MAPK15: variants seen among roughly 807,000 people sequenced by gnomAD.
MAPK15 encodes ERK-7.
In MAPK15, 61 loss-of-function variants were observed where a neutral mutation model predicts 60.8. The ratio of observed to expected loss-of-function variants is 1.00; its 90% CI spans 0.82 to 1.24. The LOEUF (loss-of-function observed/expected upper bound fraction) is 1.24. Ranked by LOEUF, MAPK15 falls within the 50% of genes most tolerant of loss-of-function variation. The pLI is 0.00. For missense variants in MAPK15, 808 were observed against 741.1 expected (o/e 1.09, Z -1.05); for synonymous variants, 356 against 319.9 (o/e 1.11, Z -1.21).
In MAPK15 at chr8:143,721,238, T is replaced by A. The variant is rs782644613; in HGVS notation, c.1031T>A (p.Leu344Gln). The change falls in exon 11 of 14, where the codon CTG becomes CAG. Residue 344 changes from leucine (L) to glutamine (Q), a missense_variant. By Grantham distance (113) the Leu-to-Gln change is moderately radical (BLOSUM62 -2). Coordinates refer to ENST00000338033, the MANE Select transcript of MAPK15 (RefSeq NM_139021.3). The stretch of plus-strand genomic sequence containing the variant: ...ACCCTTCCCCTCCCGCAGATGATCC[T>A]GGAGTGTGGAGGCAGCAGCGGCACC... Reference protein sequence around the residue: ...EYRSRVYQMILECGGSSGTSR... With the variant: ...EYRSRVYQMIQECGGSSGTSR... 3 of 1,610,400 alleles carry A rather than the reference T, an allele frequency of 1.9e-6. No individual in the cohort carries two copies. The highest frequency in any genetic ancestry group is 2.5e-6 in the Non-Finnish European group (3 of 1,178,408).
In MAPK15 at chr8:143,721,524, C is replaced by T. The variant is rs372962781; in HGVS notation, c.1205-25C>T. 402 of 1,613,332 alleles carry T rather than the reference C, an allele frequency of 2.5e-4. 1 individual carries two copies. The highest frequency in any genetic ancestry group is 1.9e-3 in the African/African-American group (139 of 75,008). On this transcript the variant is annotated intron_variant, in intron 11 of 13. Transcript: ENST00000338033. ...GACCCTGGGGTTGACCCACTGACCC[C>T]GGGGTTGACCCACTGACCCCACAGA... is the stretch of plus-strand genomic sequence containing the variant.
chr8:143,719,561 G>T (rs531024908), intron 7 of MAPK15, 79 bp downstream of exon 7: 11 of 1,524,486 alleles, frequency 7.2e-6, no homozygotes, highest in Non-Finnish European at 7.9e-6. Flanking sequence ...GCAGCTGACA[G>T]GCTAGGACTG....
At chr8:143,716,560 C>T in intron 1 of MAPK15, 117 bp downstream of exon 1, 1 of 881,432 alleles carries the variant, frequency 1.1e-6, no homozygotes, top group Non-Finnish European at 1.6e-6. Flanking sequence ...TGGCGTCCTG[C>T]CTCCTCCGTA....
Position 143,717,715 on chromosome 8 carries a change from G to T in MAPK15, c.88G>T (p.Ala30Ser), listed in dbSNP as rs368510105. 7.5e-6 allele frequency: 12 copies of T among 1,610,404 alleles called. No individual in the cohort carries two copies. The highest frequency in any genetic ancestry group is 2.2e-5 in the East Asian group (1 of 44,778). ...GQGAYGIVWK[A>S]VDRRTGEVVA... is the part of the protein sequence containing the mutation. ...CCAGGCCTATGGCATTGTGTGGAAG[G>T]CAGTGGACCGGAGGACTGGTGAGGT... The change falls in exon 2 of 14, where the codon GCA becomes TCA. Residue 30 changes from alanine (A) to serine (S), a missense_variant. Transcript: ENST00000338033.
chr8:143,719,139 G>A lies in MAPK15; in HGVS notation c.564G>A (p.Val188=). 1.9e-6 allele frequency: 3 copies of A among 1,551,580 alleles called. No individual in the cohort carries two copies. Among genetic ancestry groups the A allele is most frequent in the Non-Finnish European group, 2.6e-6 (3 of 1,148,154 alleles). Residue 188 remains valine (V), a synonymous_variant, in exon 6 of 14, where the codon GTG becomes GTA. Coordinates refer to ENST00000338033, the MANE Select transcript of MAPK15 (RefSeq NM_139021.3). ...CACGCTGGTACCGAGCACCGGAGGT[G>A]CTGCTCTCTTCGCACCGGTAATAGC... The part of the protein sequence containing the change: ...VATRWYRAPE[V]LLSSHRYTLG...
chr8:143,718,422 C>T, intron 4 of MAPK15, 120 bp downstream of exon 4: 1 of 908,654 alleles, frequency 1.1e-6, no homozygotes, highest in Non-Finnish European at 1.8e-6. Context: ...TGGCTTGCTC[C>T]CTCACCATGT....
chr8:143,721,799 T>C lies in MAPK15; in HGVS notation c.1377T>C (p.Ala459=). The change falls in exon 13 of 14, where the codon GCT becomes GCC. Residue 459 remains alanine, a synonymous_variant. Coordinates refer to ENST00000338033, the MANE Select transcript of MAPK15 (RefSeq NM_139021.3). ...RGAAPSLTSQ[A]AAQVANQALI... ...CTGCGCCCTCCCTGACCTCCCAGGC[T>C]GCGGCTCAGGTGGCCAACCAGGCCC... The C allele has an allele frequency of 6.2e-7, 1 of 1,613,018 alleles. No individual in the cohort carries two copies. The highest frequency in any genetic ancestry group is 2.2e-5 in the East Asian group (1 of 44,868).
Position 143,722,079 on chromosome 8 carries a change from C to G in MAPK15, c.1463C>G (p.Pro488Arg), listed in dbSNP as rs1818104209. The G allele has an allele frequency of 1.2e-6, 2 of 1,612,076 alleles. No homozygotes were observed. Among genetic ancestry groups the G allele is most frequent in the Non-Finnish European group, 1.7e-6 (2 of 1,179,834 alleles). ...GVRVASVQQV[P>R]PRLPPEARPG... The stretch of plus-strand genomic sequence containing the variant: ...GTGACCCTCAACTGTACACAGGTCC[C>G]TCCCCGGCTTCCTCCGGAGGCCCGG... Residue 488 changes from proline (P) to arginine (R), a missense_variant, in exon 14 of 14, where the codon CCT (proline) becomes CGT (arginine). Coordinates refer to ENST00000338033, the MANE Select transcript of MAPK15 (RefSeq NM_139021.3).
chr8:143,718,492 CT>C (rs1453298000), intron 4 of MAPK15, 190 bp downstream of exon 4: 1 of 659,298 alleles, frequency 1.5e-6, no homozygotes, highest in East Asian at 2.7e-5. Context: ...GCAGCGACCC[CT>C]TTCGTCCCAC....
At chr8:143,716,556 C>T (rs1817819019) in intron 1 of MAPK15, 113 bp downstream of exon 1, 3 of 902,838 alleles carry the variant, frequency 3.3e-6, no homozygotes, top group East Asian at 3.1e-5. Flanking sequence ...ACACTGGCGT[C>T]CTGCCTCCTC....
Position 143,722,275 on chromosome 8 carries a change from C to A in MAPK15, c.*24C>A. 1 of 1,529,744 alleles carries A rather than the reference C, an allele frequency of 6.5e-7. No homozygotes were observed. 94.8% of individuals were successfully genotyped at this position (1,529,744 alleles called of 1,614,324 possible). On this transcript the variant is annotated 3_prime_UTR_variant, in exon 14 of 14. Transcript: ENST00000338033. ...GAGCCGCCCTACTCCCTTCACCTGG[C>A]CCTCTGTTCCTGCCCCAGCCCCTTC...
intron 10 of MAPK15, 47 bp from the exon 11 acceptor site, chr8:143,721,184 G>A (rs782423214): frequency 7.5e-6 from 12 of 1,592,456 alleles, no homozygotes; most frequent in South Asian, 5.7e-5. Context: ...ACCCCCAAAC[G>A]CCCCATGCCC....
intron 1 of MAPK15, among the ~76,000 whole-genome samples, chr8:143,716,704 TG>T (rs1379846762): frequency 3.3e-5 from 5 of 151,284 alleles, no homozygotes; most frequent in African/African-American, 1.2e-4. Flanking sequence ...AGAGGGATCC[TG>T]GCGCCCCACT....
chr8:143,718,251 G>C lies in MAPK15; in HGVS notation c.235G>C (p.Val79Leu), dbSNP rs140275267. ...DHPNIISLLD[V>L]IRAENDRDIY... ...TCCCAACATCATCAGCCTCCTTGAC[G>C]TGATCCGGGCAGAGAACGACAGGGA... is the stretch of plus-strand genomic sequence containing the variant. The change falls in exon 4 of 14, where the codon GTG (valine) becomes CTG (leucine). Residue 79 changes from valine (V) to leucine (L), a missense_variant. Physicochemically the swap from Val to Leu is conservative, Grantham distance 32. Coordinates refer to ENST00000338033, the MANE Select transcript of MAPK15 (RefSeq NM_139021.3). 71 of 1,614,172 alleles carry C rather than the reference G, an allele frequency of 4.4e-5. No individual in the cohort carries two copies. The African/African-American group carries it at 8.7e-4, about 20-fold the overall frequency.
At chr8:143,717,198 G>A (rs1331562159) in intron 1 of MAPK15, among the ~76,000 whole-genome samples, 1 of 151,482 alleles carries the variant, frequency 6.6e-6, no homozygotes, top group East Asian at 1.9e-4. Flanking sequence ...CCTGTGCTGA[G>A]GACCTACCGT....
chr8:143,719,005 C>T lies in MAPK15; in HGVS notation c.430C>T (p.Leu144Phe). The T allele has an allele frequency of 1.2e-6, 2 of 1,607,504 alleles. No individual in the cohort carries two copies. The highest frequency in any genetic ancestry group is 1.7e-6 in the Non-Finnish European group (2 of 1,177,474). ...VHRDQKPSNV[L>F]LDANCTVKLC... Reference sequence around the variant, plus strand: ...CTCCTCTCTGCAGCCGTCCAATGTGCTCCTGGATGCCAACTGCACAGTGAA... The same window carrying T: ...CTCCTCTCTGCAGCCGTCCAATGTGTTCCTGGATGCCAACTGCACAGTGAA... The change falls in exon 6 of 14, where the codon CTC becomes TTC. Residue 144 changes from leucine (L) to phenylalanine (F), a missense_variant. Transcript: ENST00000338033.
At position 143,721,691 on chromosome 8, in the gene MAPK15, G is replaced by T. The variant is rs183555137; in HGVS notation, c.1329+18G>T. The T allele has an allele frequency of 6.2e-7, 1 of 1,610,216 alleles. No homozygotes were observed. The highest frequency in any genetic ancestry group is 1.3e-5 in the African/African-American group (1 of 74,962). On this transcript the variant is annotated intron_variant, in intron 12 of 13. Transcript: ENST00000338033. ...TCTCGCTGGTAAGTCATGGTGGGGCGGGCACAGGAGGGACCCCTCCTCTGC... is the reference window on the plus strand; with the variant it reads ...TCTCGCTGGTAAGTCATGGTGGGGCTGGCACAGGAGGGACCCCTCCTCTGC...
chr8:143,717,578 C>A, intron 1 of MAPK15, 116 bp from the exon 2 acceptor site: 1 of 871,374 alleles, frequency 1.1e-6, no homozygotes. Context: ...GCCCACACTC[C>A]CATCCCCTCT....
In MAPK15 at chr8:143,721,827, A is replaced by G. The variant is rs781996286; in HGVS notation, c.1405A>G (p.Ile469Val). Residue 469 changes from isoleucine (I) to valine (V), a missense_variant, in exon 13 of 14, where the codon ATC (isoleucine) becomes GTC (valine). By Grantham distance (29) the Ile-to-Val change is conservative. Coordinates refer to ENST00000338033, the MANE Select transcript of MAPK15 (RefSeq NM_139021.3). ...AAAQVANQALIRGDWNRGGGV... is the reference protein window; with the variant it reads ...AAAQVANQALVRGDWNRGGGV... Reference sequence around the variant, plus strand: ...GGCTCAGGTGGCCAACCAGGCCCTGATCCGGGGTGACTGGAACCGGGGCGG... The same window carrying G: ...GGCTCAGGTGGCCAACCAGGCCCTGGTCCGGGGTGACTGGAACCGGGGCGG... 6.2e-7 allele frequency: 1 copy of G among 1,611,102 alleles called. No individual in the cohort carries two copies. The highest frequency in any genetic ancestry group is 8.5e-7 in the Non-Finnish European group (1 of 1,178,942).
Sources: gnomAD v4.1 joint callset for allele counts (sites outside exome capture counted in the v4.1 genomes callset) on GRCh38, gnomAD v4.1.1 for gene constraint, MANE v1.5 for transcripts, NCBI Gene and HGNC (gene_info 2026-07-23, HGNC 2026-07-21) for gene names.